CDRT4: variants seen among roughly 807,000 people sequenced by gnomAD.
CDRT4 encodes the protein CMT1A duplicated region transcript 4 protein.
For missense variants in CDRT4, 167 were observed against 193.1 expected, an observed-to-expected ratio of 0.87 and a Z score of 0.80; for synonymous variants, 64 against 69.6, an observed-to-expected ratio of 0.92 and a Z score of 0.40.
intron 2 of CDRT4, among the ~76,000 whole-genome samples, chr17:15,442,927 G>A (rs946664516): frequency 1.3e-5 from 2 of 152,208 alleles, no homozygotes; most frequent in African/African-American, 4.8e-5. Context: ...TTGTGTCCCT[G>A]TAAATGAAAT....
rs763023365 is a variant in CDRT4 at position 15,440,249 on chromosome 17, A to G, written c.-11T>C. 1.1e-5 allele frequency: 18 copies of G among 1,613,200 alleles called. No individual in the cohort carries two copies. In the East Asian group the frequency reaches 4.0e-4, roughly 36 times the overall value. On this transcript the variant is annotated 5_prime_UTR_variant, in exon 3 of 4. Transcript: ENST00000619038. ...CCTTCTTGCATCCATCTTCTTTTTA[A>G]TATTTACTGATTTCTTAACATCACA...
intron 3 of CDRT4, among the ~76,000 whole-genome samples, chr17:15,438,554 G>T (rs1978611384): frequency 6.6e-6 from 1 of 152,156 alleles, no homozygotes; most frequent in Admixed American, 6.6e-5. Flanking sequence ...TATTTCAAGG[G>T]CTTGGAACAG....
chr17:15,454,698 G>A (rs1026191043), intron 1 of CDRT4, among the ~76,000 whole-genome samples: 1 of 152,214 alleles, frequency 6.6e-6, no homozygotes, highest in African/African-American at 2.4e-5. Context: ...GTAATCTGGA[G>A]ACTTAGATCT....
intron 1 of CDRT4, among the ~76,000 whole-genome samples, chr17:15,459,611 A>AT (rs747950000): frequency 4.0e-5 from 6 of 150,704 alleles, no homozygotes; most frequent in Non-Finnish European, 7.4e-5. Flanking sequence ...CGCCTGGCTA[A>AT]TTTTTTTTGT....
chr17:15,462,512 T>TG (rs1466314566), intron 1 of CDRT4, among the ~76,000 whole-genome samples: 3 of 149,854 alleles, frequency 2.0e-5, no homozygotes, highest in Non-Finnish European at 4.4e-5. Flanking sequence ...CTGGGTCCTA[T>TG]GGGGAAACAG....
chr17:15,453,762 C>T (rs1241886535), intron 1 of CDRT4, among the ~76,000 whole-genome samples: 1 of 152,132 alleles, frequency 6.6e-6, no homozygotes, highest in African/African-American at 2.4e-5. Context: ...ATTCAGAGCA[C>T]GAGTTCAAGA....
chr17:15,447,864 G>A (rs990423427), intron 2 of CDRT4, among the ~76,000 whole-genome samples: 2 of 152,146 alleles, frequency 1.3e-5, no homozygotes, highest in Non-Finnish European at 2.9e-5. Context: ...TACACTGGCA[G>A]ACTGGACAAG....
chr17:15,437,677 T>A lies in CDRT4; in HGVS notation c.*96A>T. On this transcript the variant is annotated 3_prime_UTR_variant, in exon 4 of 4. Coordinates refer to ENST00000619038, the MANE Select transcript of CDRT4 (RefSeq NM_001204477.2). ...GCAAGTTCAGATTTAAAGGACACTGTCAAGTGAGTGGTAAATGGAGCTTAA... is the reference window on the plus strand; with the variant it reads ...GCAAGTTCAGATTTAAAGGACACTGACAAGTGAGTGGTAAATGGAGCTTAA... 7.9e-7 allele frequency: 1 copy of A among 1,265,140 alleles called. No individual in the cohort carries two copies. Among genetic ancestry groups the A allele is most frequent in the South Asian group, 1.4e-5 (1 of 70,756 alleles). The allele number at this position is 1,265,140 out of a possible 1,614,324, so 78.4% of individuals were successfully genotyped here. A position where few individuals can be genotyped will look rare whatever the true frequency, so the allele number is the denominator to read the frequency against.
chr17:15,462,939 C>T (rs993765852), intron 1 of CDRT4, among the ~76,000 whole-genome samples: 1 of 152,000 alleles, frequency 6.6e-6, no homozygotes, highest in African/African-American at 2.4e-5. Context: ...AAGCTGTATG[C>T]CTCGCTTTGA....
chr17:15,454,137 A>T (rs964458866), intron 1 of CDRT4, among the ~76,000 whole-genome samples: 1 of 152,134 alleles, frequency 6.6e-6, no homozygotes, highest in African/African-American at 2.4e-5. Context: ...AGGTCAGAAG[A>T]CATGCTCAGG....
At chr17:15,453,488 A>G (rs138992493) in intron 1 of CDRT4, among the ~76,000 whole-genome samples, 102 of 152,320 alleles carry the variant, frequency 6.7e-4, no homozygotes, top group African/African-American at 2.3e-3. Context: ...GATGTGTCAA[A>G]TACTTTTAAA....
At chr17:15,452,390 C>T (rs888180095) in intron 2 of CDRT4, 1 of 152,232 alleles carries the variant, frequency 6.6e-6, no homozygotes, top group African/African-American at 2.4e-5. Flanking sequence ...CCAGGATTCA[C>T]ACTTTGTTGA....
At chr17:15,462,283 C>A (rs1314945979) in intron 1 of CDRT4, among the ~76,000 whole-genome samples, 1 of 151,920 alleles carries the variant, frequency 6.6e-6, no homozygotes, top group Non-Finnish European at 1.5e-5. Context: ...AAAAAATTAG[C>A]CAGCCGTGGT....
In CDRT4 at chr17:15,450,317, A is replaced by C. The variant is rs1050063109; in HGVS notation, c.-48+2687T>G. 6.6e-6 allele frequency among the ~76,000 whole-genome samples: 1 copy of C among 151,926 alleles called. No individual in the cohort carries two copies. Among genetic ancestry groups the C allele is most frequent in the African/African-American group, 2.4e-5 (1 of 41,324 alleles). ...TCACTCGTACCAACTCTCCACCATA[A>C]GCTCCCCTGCACTATGCCTTCCTTC... On this transcript the variant is annotated intron_variant, in intron 2 of 3. Coordinates refer to ENST00000619038, the MANE Select transcript of CDRT4 (RefSeq NM_001204477.2). The surrounding 1 kb of genome is among the most constrained non-coding windows in gnomAD (Gnocchi z 4.2).
In CDRT4 at chr17:15,437,863, C is replaced by T. The variant is rs766897737; in HGVS notation, c.369G>A (p.Ala123=). ...TMIPEPTHLH[A]DSRDCPTENY... ...TTTCAGTTGGACAGTCTCTGGAATC[C>T]GCATGTAAGTGTGTGGGTTCTGGGA... Residue 123 remains alanine, a synonymous_variant, in exon 4 of 4, where the codon GCG becomes GCA. Transcript: ENST00000619038. The T allele has an allele frequency of 1.9e-5, 30 of 1,613,990 alleles. No individual in the cohort carries two copies. Among genetic ancestry groups the T allele is most frequent in the South Asian group, 7.7e-5 (7 of 91,088 alleles).
intron 2 of CDRT4, among the ~76,000 whole-genome samples, chr17:15,443,067 T>C (rs1410644453): frequency 6.6e-6 from 1 of 151,978 alleles, no homozygotes; most frequent in Non-Finnish European, 1.5e-5. Context: ...CAGAGCCAGC[T>C]CCCCACTCCC....
At chr17:15,444,288 G>A (rs765225474) in intron 2 of CDRT4, 1 of 481,314 alleles carries the variant, frequency 2.1e-6, no homozygotes, top group Admixed American at 3.8e-5. Flanking sequence ...CTATTGATTT[G>A]GAAAAAAAAT....
chr17:15,452,163 G>A (rs1979291064), intron 2 of CDRT4, among the ~76,000 whole-genome samples: 1 of 152,178 alleles, frequency 6.6e-6, no homozygotes, highest in South Asian at 2.1e-4. Context: ...CAAACAAATA[G>A]GATTAAGGGA....
In CDRT4 at chr17:15,460,396, C is replaced by A. The variant is rs902730596; in HGVS notation, c.-130+7064G>T. 2.9e-5 allele frequency among the ~76,000 whole-genome samples: 4 copies of A among 137,236 alleles called. No individual in the cohort carries two copies. The South Asian group carries it at 7.1e-4, about 24-fold the overall frequency. The allele number at this position is 137,236 out of a possible 152,430, so 90.0% of individuals were successfully genotyped here. On this transcript the variant is annotated intron_variant, in intron 1 of 3. Transcript: ENST00000619038. ...TCTACAATTATGACAACTACTACTG[C>A]TGCTAATAATAATATAAAAATAACT...
Sources: allele counts gnomAD v4.1 joint callset (sites outside exome capture counted in the v4.1 genomes callset), GRCh38; gene constraint gnomAD v4.1.1; non-coding constraint Gnocchi (gnomAD v3.1); transcripts MANE v1.5; gene names NCBI Gene and HGNC (gene_info 2026-07-23, HGNC 2026-07-21).